Variants in THBS2 observed in about 807,000 individuals in gnomAD.
The protein encoded by THBS2 is thrombospondin-2.
Under a neutral mutation model 135.2 loss-of-function variants are expected in THBS2, and 47 were observed. That is an observed-to-expected ratio of 0.35 (90% confidence interval 0.28 to 0.44). THBS2 has a LOEUF of 0.44. THBS2 is among the 20% of genes least tolerant of loss of function. The pLI is 1.00. For missense variants in THBS2, 1,288 were observed against 1,603.1 expected (o/e 0.80, Z 3.36); for synonymous variants, 639 against 633.8 (o/e 1.01, Z -0.12).
At position 169,240,595 on chromosome 6, in the gene THBS2, G is replaced by A; in HGVS notation, c.892-3C>T. 4 of 1,613,122 alleles carry A rather than the reference G, an allele frequency of 2.5e-6. No individual in the cohort carries two copies. The highest frequency in any genetic ancestry group is 3.4e-6 in the Non-Finnish European group (4 of 1,179,430). ...CAGAGAAACTGGTTATCATTCGACT[G>A]GAAAATCAAGTGAAACATTTAAGTG... On this transcript the variant is annotated splice_region_variant and splice_polypyrimidine_tract_variant and intron_variant, in intron 5 of 21. Transcript: ENST00000617924.
At chr6:169,250,319 A>G (rs1175093213) in intron 2 of THBS2, among the ~76,000 whole-genome samples, 1 of 152,230 alleles carries the variant, frequency 6.6e-6, no homozygotes, top group Non-Finnish European at 1.5e-5. Context: ...CTAAGTGGGA[A>G]TTGATTGAAA....
chr6:169,246,386 T>C (rs1780557155), intron 3 of THBS2, 105 bp from the exon 4 acceptor site: 10 of 923,004 alleles, frequency 1.1e-5, no homozygotes, highest in African/African-American at 1.6e-5. Context: ...CTTCAAGTAG[T>C]GAGAGTATTT....
At chr6:169,238,076 T>A (rs1780168179) in intron 7 of THBS2, among the ~76,000 whole-genome samples, 1 of 152,204 alleles carries the variant, frequency 6.6e-6, no homozygotes, top group Non-Finnish European at 1.5e-5. Flanking sequence ...GCTAAATCCA[T>A]GTGTGTCCAG....
At chr6:169,251,525 C>T (rs1307432869) in intron 1 of THBS2, among the ~76,000 whole-genome samples, 2 of 152,176 alleles carry the variant, frequency 1.3e-5, no homozygotes, top group African/African-American at 4.8e-5. Flanking sequence ...GCGATTAACC[C>T]TGTGGATCTC....
chr6:169,220,385 A>G (rs1268398936), intron 20 of THBS2, 48 bp from the exon 21 acceptor site: 2 of 1,583,350 alleles, frequency 1.3e-6, no homozygotes, highest in African/African-American at 2.7e-5. Flanking sequence ...GACAACATGA[A>G]CTCTGTGAAG....
rs1038507260 is a variant in THBS2, at chr6:169,242,051, C to G, written c.695-93G>C. ...GAGGGAGGATGACCCGCCCTGGCTC[C>G]CGGAGCGGCCTGGTGCTGGGAGACA... On this transcript the variant is annotated intron_variant, in intron 4 of 21. Coordinates refer to ENST00000617924, the MANE Select transcript of THBS2 (RefSeq NM_003247.5). The G allele has an allele frequency of 3.5e-6, 5 of 1,411,554 alleles. No individual in the cohort carries two copies. The African/African-American group carries it at 7.1e-5, about 20-fold the overall frequency. The allele number at this position is 1,411,554 out of a possible 1,614,324, so 87.4% of individuals were successfully genotyped here. A position where few individuals can be genotyped will look rare whatever the true frequency, so the allele number is the denominator to read the frequency against.
Position 169,226,258 on chromosome 6 carries a change from G to A in THBS2, c.2460C>T (p.Asn820=). ...NERDNCPYVY[N]TDQRDTDGDG... ...CACCATCCGTGTCCCTCTGGTCAGT[G>A]TTGTAGACGTAGGGACAATTGTCTC... The change falls in exon 16 of 22, where the codon AAC becomes AAT. Residue 820 remains asparagine (N), a synonymous_variant. Transcript: ENST00000617924. 1.9e-6 allele frequency: 3 copies of A among 1,614,164 alleles called. No individual in the cohort carries two copies. Among genetic ancestry groups the A allele is most frequent in the Non-Finnish European group, 1.7e-6 (2 of 1,179,996 alleles).
At chr6:169,224,215 C>T (rs897244215) in intron 17 of THBS2, among the ~76,000 whole-genome samples, 6 of 152,232 alleles carry the variant, frequency 3.9e-5, no homozygotes, top group African/African-American at 1.4e-4. Context: ...AGAACATACT[C>T]CAGCTACCAC....
intron 20 of THBS2, among the ~76,000 whole-genome samples, chr6:169,220,968 G>C (rs554813821): frequency 1.8e-4 from 27 of 152,296 alleles, no homozygotes; most frequent in East Asian, 5.8e-4. Flanking sequence ...ATTTTAAATT[G>C]ACCACATTTT....
Position 169,234,816 on chromosome 6 carries a change from G to T in THBS2, c.1569C>A (p.Ser523Arg). ...CCTTCCCTCCGTACTGAGGCTCAGG[G>T]CTGTTGCAGACCCGGGTGCGCTCCC... ...GIRERTRVCN[S>R]PEPQYGGKAC... Residue 523 changes from serine to arginine, a missense_variant, in exon 10 of 22, where the codon AGC becomes AGA. Coordinates refer to ENST00000617924, the MANE Select transcript of THBS2 (RefSeq NM_003247.5). 3.1e-6 allele frequency: 5 copies of T among 1,612,706 alleles called. No individual in the cohort carries two copies. Among genetic ancestry groups the T allele is most frequent in the Non-Finnish European group, 4.2e-6 (5 of 1,179,500 alleles).
At chr6:169,217,914 A>C in intron 21 of THBS2, 85 bp from the exon 22 acceptor site, 1 of 1,282,140 alleles carries the variant, frequency 7.8e-7, no homozygotes, top group South Asian at 1.4e-5. Context: ...TAGAACCAGA[A>C]ATATAATTAC....
rs1779589673 is a variant in THBS2 at position 169,225,374 on chromosome 6, G to A, written c.2544C>T (p.Asp848=). The change falls in exon 17 of 22, where the codon GAC becomes GAT. Residue 848 remains aspartate, a synonymous_variant. Coordinates refer to ENST00000617924, the MANE Select transcript of THBS2 (RefSeq NM_003247.5). ...CPLVHNPDQT[D]VDNDLVGDQC... is the part of the protein sequence containing the mutation. ...GGTCCCCAACAAGGTCATTGTCCAC[G>A]TCGGTCTAGGGGATGGGGCGTGAGA... 6.4e-6 allele frequency: 10 copies of A among 1,554,156 alleles called. No individual in the cohort carries two copies. Among genetic ancestry groups the A allele is most frequent in the African/African-American group, 1.4e-5 (1 of 73,318 alleles).
At chr6:169,219,278 A>G (rs1014796017) in intron 21 of THBS2, among the ~76,000 whole-genome samples, 84 of 123,254 alleles carry the variant, frequency 6.8e-4, no homozygotes, top group Non-Finnish European at 1.1e-3. Flanking sequence ...GGATGGATGG[A>G]TGGATGAGAT....
At chr6:169,225,064 C>T in intron 17 of THBS2, 81 bp downstream of exon 17, 1 of 1,342,858 alleles carries the variant, frequency 7.4e-7, no homozygotes, top group Non-Finnish European at 1.1e-6. Flanking sequence ...TTAAGATGAT[C>T]TCCGTGCATA....
chr6:169,232,228 A>G, intron 12 of THBS2, 30 bp from the exon 13 acceptor site: 1 of 1,609,384 alleles, frequency 6.2e-7, no homozygotes, highest in South Asian at 1.1e-5. Context: ...GGGGTTAGCG[A>G]CAGGCAGGAC....
intron 4 of THBS2, among the ~76,000 whole-genome samples, chr6:169,245,704 G>A (rs1238606836): frequency 2.6e-5 from 4 of 151,234 alleles, no homozygotes; most frequent in Admixed American, 6.6e-5. Flanking sequence ...AGGCAGAAGA[G>A]TGGCGTGAAC....
chr6:169,234,395 A>C (rs1394769800), intron 10 of THBS2: 1 of 250,134 alleles, frequency 4.0e-6, no homozygotes, highest in Non-Finnish European at 7.7e-6. Flanking sequence ...ACAACTACCC[A>C]CACACCACAT....
At chr6:169,236,162 AC>A (rs1454229835) in intron 9 of THBS2, among the ~76,000 whole-genome samples, 1 of 65,196 alleles carries the variant, frequency 1.5e-5, no homozygotes, top group South Asian at 5.9e-4. Context: ...ATCCACACTC[AC>A]TCCCCATCCA....
At chr6:169,242,999 T>A (rs1780404061) in intron 4 of THBS2, among the ~76,000 whole-genome samples, 2 of 99,204 alleles carry the variant, frequency 2.0e-5, no homozygotes, top group Admixed American at 1.1e-4. Context: ...ATTCGCACCT[T>A]CCCACCTTCC....
Sources: gnomAD v4.1 joint callset for allele counts (sites outside exome capture counted in the v4.1 genomes callset) on GRCh38, gnomAD v4.1.1 for gene constraint, MANE v1.5 for transcripts, NCBI Gene and HGNC (gene_info 2026-07-23, HGNC 2026-07-21) for gene names.